Variants in KCNH8 observed in about 807,000 individuals in gnomAD.
The protein encoded by KCNH8 is potassium voltage-gated channel subfamily H member 8, also known as voltage-gated delayed rectifier potassium channel KCNH8.
KCNH8 carries 70 observed loss-of-function variants against 103.6 expected under a neutral mutation model. The observed-to-expected ratio is 0.68, with a 90% CI of 0.56 to 0.82. The LOEUF (loss-of-function observed/expected upper bound fraction) is 0.82, where lower values mean the gene tolerates loss of function less well. Among genes scored for constraint, KCNH8 ranks in the 40% least tolerant of loss-of-function variants. The probability of loss-of-function intolerance (pLI) is 0.00; values close to 1 mark genes in which losing one functional copy is unlikely to be tolerated. For synonymous variants in KCNH8, 498 were observed against 489.4 expected, an observed-to-expected ratio of 1.02 and a Z score of -0.23; for missense variants, 1,217 against 1,329.9, an observed-to-expected ratio of 0.92 and a Z score of 1.32.
chr3:19,384,928 G>A (rs887318064), intron 5 of KCNH8, among the ~76,000 whole-genome samples: 2 of 152,166 alleles, frequency 1.3e-5, no homozygotes, highest in East Asian at 1.9e-4. Flanking sequence ...AAGGCTGGGT[G>A]GGTGGAGGTA....
chr3:19,290,890 G>T (rs531943019), intron 3 of KCNH8, among the ~76,000 whole-genome samples: 1 of 152,144 alleles, frequency 6.6e-6, no homozygotes, highest in Non-Finnish European at 1.5e-5. Context: ...TTTTTGGTTG[G>T]TAAGCTATTA....
intron 3 of KCNH8, among the ~76,000 whole-genome samples, chr3:19,318,236 A>G (rs1433150945): frequency 4.6e-5 from 7 of 152,006 alleles, no homozygotes; most frequent in Middle Eastern, 3.4e-3. Context: ...TCACATTGCT[A>G]TAAAGAAATA....
At chr3:19,199,885 T>G (rs577150208) in intron 1 of KCNH8, among the ~76,000 whole-genome samples, 1 of 152,152 alleles carries the variant, frequency 6.6e-6, no homozygotes, top group East Asian at 1.9e-4. Context: ...CTGGGTTTTA[T>G]TCAGCAAATT....
chr3:19,176,063 G>C (rs572473229), intron 1 of KCNH8, among the ~76,000 whole-genome samples: 1 of 152,222 alleles, frequency 6.6e-6, no homozygotes, highest in South Asian at 2.1e-4. Context: ...ACTGTCTCTA[G>C]ACTTGTTTCC....
chr3:19,466,081 C>T (rs1403897422), intron 11 of KCNH8, among the ~76,000 whole-genome samples: 6 of 151,988 alleles, frequency 3.9e-5, no homozygotes, highest in African/African-American at 1.4e-4. Flanking sequence ...TGCACCACCA[C>T]ACCCGGCTAA....
rs150328468 is a variant in KCNH8 at position 19,239,423 on chromosome 3, T to G, written c.77-14231T>G. On this transcript the variant is annotated intron_variant, in intron 1 of 15. Coordinates refer to ENST00000328405, the MANE Select transcript of KCNH8 (RefSeq NM_144633.3). ...TCTCATAGCTCTCTTTTAATAGAAATGAAAATCTTTTAACCTAGATACTTT... is the reference window on the plus strand; with the variant it reads ...TCTCATAGCTCTCTTTTAATAGAAAGGAAAATCTTTTAACCTAGATACTTT... Among the ~76,000 whole-genome samples, 7 of 152,248 alleles carry G rather than the reference T, an allele frequency of 4.6e-5. No individual in the cohort carries two copies. The East Asian group carries it at 1.4e-3, about 29-fold the overall frequency.
At chr3:19,343,254 T>G (rs563007009) in intron 4 of KCNH8, among the ~76,000 whole-genome samples, 1 of 152,074 alleles carries the variant, frequency 6.6e-6, no homozygotes, top group Non-Finnish European at 1.5e-5. Flanking sequence ...CGTTAAATAA[T>G]TTGGGAAAGT....
rs575630453 is a variant in KCNH8, at chr3:19,468,904, C to T, written c.2040+11922C>T. On this transcript the variant is annotated intron_variant, in intron 11 of 15. Coordinates refer to ENST00000328405, the MANE Select transcript of KCNH8 (RefSeq NM_144633.3). ...TATGTGACTATATTACGATTTAATT[C>T]AATTCAAGAATGTACTGAAAAGGGA... 8.5e-5 allele frequency among the ~76,000 whole-genome samples: 13 copies of T among 152,218 alleles called. No individual in the cohort carries two copies. The South Asian group carries it at 2.7e-3, about 32-fold the overall frequency.
intron 3 of KCNH8, among the ~76,000 whole-genome samples, chr3:19,308,013 T>C (rs2065152180): frequency 6.6e-6 from 1 of 151,886 alleles, no homozygotes; most frequent in Admixed American, 6.6e-5. Flanking sequence ...AACAATAGTA[T>C]ATTTTGTAGT....
chr3:19,487,745 T>C (rs1285279070), intron 11 of KCNH8, among the ~76,000 whole-genome samples: 1 of 152,168 alleles, frequency 6.6e-6, no homozygotes, highest in Non-Finnish European at 1.5e-5. Context: ...TCCCAGTAAC[T>C]TTAGCTGTAA....
At chr3:19,501,970 G>C (rs575638935) in intron 11 of KCNH8, among the ~76,000 whole-genome samples, 1 of 152,080 alleles carries the variant, frequency 6.6e-6, no homozygotes, top group Non-Finnish European at 1.5e-5. Flanking sequence ...TAGGAAAAGA[G>C]GAAGTCAAAT....
At chr3:19,200,719 A>G (rs114903889) in intron 1 of KCNH8, among the ~76,000 whole-genome samples, 2,972 of 152,140 alleles carry the variant, frequency 0.02, 92 homozygotes, top group African/African-American at 0.066. Context: ...GGTAGCTTTG[A>G]CCTATGAATC....
At chr3:19,230,429 A>C (rs144613829) in intron 1 of KCNH8, among the ~76,000 whole-genome samples, 1 of 152,332 alleles carries the variant, frequency 6.6e-6, no homozygotes, top group Non-Finnish European at 1.5e-5. Context: ...ATAAAATCTA[A>C]ATAAGCAGCA....
At chr3:19,205,361 A>C (rs2063704258) in intron 1 of KCNH8, among the ~76,000 whole-genome samples, 1 of 152,046 alleles carries the variant, frequency 6.6e-6, no homozygotes, top group Non-Finnish European at 1.5e-5. Context: ...CTTTTCTGAG[A>C]ATTTAGAAAA....
chr3:19,211,893 G>C (rs943805183), intron 1 of KCNH8, among the ~76,000 whole-genome samples: 22 of 152,188 alleles, frequency 1.4e-4, no homozygotes, highest in African/African-American at 5.3e-4. Flanking sequence ...AATAGTACTA[G>C]TGTTAGGACA....
intron 5 of KCNH8, among the ~76,000 whole-genome samples, chr3:19,374,724 A>G (rs1167744478): frequency 2.0e-5 from 3 of 151,360 alleles, no homozygotes; most frequent in African/African-American, 7.3e-5. Context: ...TTTTGGCATG[A>G]TTTTGCAGTG....
intron 11 of KCNH8, among the ~76,000 whole-genome samples, chr3:19,467,743 A>G (rs1301349141): frequency 6.6e-6 from 1 of 152,180 alleles, no homozygotes; most frequent in Non-Finnish European, 1.5e-5. Context: ...TAAAATATAA[A>G]TCAAACTGTC....
chr3:19,427,834 G>A (rs1458811439), intron 7 of KCNH8, among the ~76,000 whole-genome samples: 1 of 152,186 alleles, frequency 6.6e-6, no homozygotes, highest in Admixed American at 6.6e-5. Context: ...ACACGTCCTA[G>A]ATGATGGAGA....
Position 19,281,330 on chromosome 3 carries a change from G to A in KCNH8, c.442+1G>A. The A allele has an allele frequency of 6.3e-7, 1 of 1,584,134 alleles. No homozygotes were observed. ...ATTACTCCAGAAGATAAAAAAGAAG[G>A]TTTGTACCGTTTTCAGAAAACATTG... On this transcript the variant is annotated splice_donor_variant, in intron 3 of 15. Transcript: ENST00000328405. LOFTEE classifies it high-confidence loss of function.
Sources: allele counts gnomAD v4.1 joint callset (sites outside exome capture counted in the v4.1 genomes callset), GRCh38; gene constraint gnomAD v4.1.1; transcripts MANE v1.5; gene names NCBI Gene and HGNC (gene_info 2026-07-23, HGNC 2026-07-21).